Variants in LIPC observed in about 807,000 individuals in gnomAD.
LIPC encodes hepatic triacylglycerol lipase.
In LIPC, 44 loss-of-function variants were observed where a neutral mutation model predicts 50.7. That is an observed-to-expected ratio of 0.87 (90% CI 0.68 to 1.11). The LOEUF (loss-of-function observed/expected upper bound fraction) is 1.11. Ranked by LOEUF, LIPC falls within the 50% of genes most tolerant of loss-of-function variation. The pLI, the probability that LIPC is intolerant of heterozygous loss-of-function variation, is 0.00. For missense variants in LIPC, 697 were observed against 648.2 expected (o/e 1.08, Z -0.82); for synonymous variants, 271 against 256.4 (o/e 1.06, Z -0.54).
chr15:58,567,346 T>TAC (rs1595963617), intron 8 of LIPC, among the ~76,000 whole-genome samples: 1 of 11,254 alleles, frequency 8.9e-5, no homozygotes, highest in East Asian at 1.5e-3. Context: ...TATGTATATG[T>TAC]ATATATATAT....
chr15:58,497,362 G>C (rs1891809962), intron 1 of LIPC, among the ~76,000 whole-genome samples: 1 of 152,162 alleles, frequency 6.6e-6, no homozygotes, highest in African/African-American at 2.4e-5. Flanking sequence ...GGAAGTGGGG[G>C]AAGTCAGGCT....
intron 1 of LIPC, among the ~76,000 whole-genome samples, chr15:58,484,918 G>C (rs976850587): frequency 6.6e-6 from 1 of 152,180 alleles, no homozygotes; most frequent in Non-Finnish European, 1.5e-5. Flanking sequence ...GTTCTGGGTG[G>C]GGAAGGAGTG....
intron 1 of LIPC, among the ~76,000 whole-genome samples, chr15:58,481,251 G>A (rs1390846781): frequency 1.3e-5 from 2 of 152,190 alleles, no homozygotes; most frequent in African/African-American, 4.8e-5. Context: ...AGGGGACAGA[G>A]TGACAATGAC....
At chr15:58,466,271 G>A (rs1230926204) in intron 1 of LIPC, among the ~76,000 whole-genome samples, 1 of 152,208 alleles carries the variant, frequency 6.6e-6, no homozygotes, top group Non-Finnish European at 1.5e-5. Flanking sequence ...ACTCCTAGCG[G>A]GTGACTCATA....
intron 6 of LIPC, among the ~76,000 whole-genome samples, chr15:58,557,226 C>T (rs1893983293): frequency 6.6e-6 from 1 of 152,164 alleles, no homozygotes; most frequent in Admixed American, 6.5e-5. Flanking sequence ...AGTCACTTAA[C>T]TTCTCTGTCC....
At position 58,484,670 on chromosome 15, in the gene LIPC, G is replaced by A. The variant is rs553035067; in HGVS notation, c.88+52550G>A. 2.0e-5 allele frequency among the ~76,000 whole-genome samples: 3 copies of A among 152,366 alleles called. No homozygotes were observed. In the East Asian group the frequency reaches 5.8e-4, roughly 29 times the overall value. ...GCTCCAGGTGGGGCTCATGGGGCAT[G>A]GGCCCTGGAGCCCACACACTCTGAC... On this transcript the variant is annotated intron_variant, in intron 1 of 8. Transcript: ENST00000299022.
rs1595838900 is a variant in LIPC, at chr15:58,432,222, C to T, written c.88+102C>T. On this transcript the variant is annotated intron_variant, in intron 1 of 8. Transcript: ENST00000299022. The stretch of plus-strand genomic sequence containing the variant: ...TTCTGACTGTATGGGACAGAGCTTG[C>T]TTCAGAGCGTGCCAGGTGGTTCTAT... 1.3e-5 allele frequency: 12 copies of T among 900,076 alleles called. No individual in the cohort carries two copies. In the East Asian group the frequency reaches 2.9e-4, roughly 22 times the overall value. 55.8% of individuals were successfully genotyped at this position (900,076 alleles called of 1,614,324 possible).
chr15:58,456,323 A>T (rs1894112738), intron 1 of LIPC: 1 of 152,278 alleles, frequency 6.6e-6, no homozygotes, highest in South Asian at 2.1e-4. Context: ...AAGAAAATGC[A>T]CTTAAATAAA....
chr15:58,437,017 A>T, intron 1 of LIPC: 1 of 374,506 alleles, frequency 2.7e-6, no homozygotes, highest in Non-Finnish European at 5.3e-6. Context: ...CAAACCACTG[A>T]AGTTGGGGAC....
At chr15:58,526,022 C>T (rs139708305) in intron 1 of LIPC, among the ~76,000 whole-genome samples, 3 of 152,310 alleles carry the variant, frequency 2.0e-5, no homozygotes, top group Non-Finnish European at 4.4e-5. Flanking sequence ...AATTGTGGCT[C>T]ATTAGCGGCA....
chr15:58,520,112 G>GTTTTTTTTTTTTTTTTTTTTTTTTT (rs10631480), intron 1 of LIPC, among the ~76,000 whole-genome samples: 1 of 123,538 alleles, frequency 8.1e-6, no homozygotes. Flanking sequence ...GTTTTGGGCT[G>GTTTTTTTTTTTTTTTTTTTTTTTTT]TTTTTTTTTT....
In LIPC at chr15:58,562,799, C is replaced by A. The variant is rs548288623; in HGVS notation, c.1170-706C>A. Among the ~76,000 whole-genome samples, 57 of 133,822 alleles carry A rather than the reference C, an allele frequency of 4.3e-4. No homozygotes were observed. The South Asian group carries it at 4.9e-3, about 12-fold the overall frequency. 87.8% of individuals were successfully genotyped at this position (133,822 alleles called of 152,430 possible). On this transcript the variant is annotated intron_variant, in intron 7 of 8. Coordinates refer to ENST00000299022, the MANE Select transcript of LIPC (RefSeq NM_000236.3). ...TCGGGAAGAGCTATGCCAAGCCACA[C>A]AAGGGACCCCCCCCCAACCCCACCA... is the stretch of plus-strand genomic sequence containing the variant.
chr15:58,536,492 G>A (rs1298665195), intron 1 of LIPC, among the ~76,000 whole-genome samples: 1 of 152,204 alleles, frequency 6.6e-6, no homozygotes, highest in African/African-American at 2.4e-5. Flanking sequence ...GCAAGACACA[G>A]TGTGCACGGG....
intron 1 of LIPC, among the ~76,000 whole-genome samples, chr15:58,444,041 T>C (rs868249689): frequency 1.4e-4 from 21 of 152,234 alleles, no homozygotes; most frequent in African/African-American, 4.8e-4. Context: ...CTTCAGGCCA[T>C]CTGGGTGTAT....
chr15:58,565,490 C>G, intron 8 of LIPC: 1 of 1,388,022 alleles, frequency 7.2e-7, no homozygotes, highest in Non-Finnish European at 9.3e-7. Flanking sequence ...ACGGGGTGAG[C>G]ATTGAAGCAG....
At chr15:58,555,589 T>A (rs1321775416) in intron 6 of LIPC, among the ~76,000 whole-genome samples, 2 of 152,186 alleles carry the variant, frequency 1.3e-5, no homozygotes, top group African/African-American at 4.8e-5. Flanking sequence ...TTATTTATAT[T>A]CACCAGGATA....
chr15:58,545,480 C>T (rs1893488557), intron 4 of LIPC, among the ~76,000 whole-genome samples: 1 of 152,186 alleles, frequency 6.6e-6, no homozygotes, highest in Admixed American at 6.5e-5. Flanking sequence ...GGCATCATAA[C>T]CTTGTGTCTA....
At chr15:58,465,763 G>A (rs2140723621) in intron 1 of LIPC, among the ~76,000 whole-genome samples, 1 of 152,256 alleles carries the variant, frequency 6.6e-6, no homozygotes, top group East Asian at 1.9e-4. Flanking sequence ...GTCCAAGAGG[G>A]CAGTCATCAC....
rs148802144 is a variant in LIPC at position 58,476,742 on chromosome 15, G to A, written c.88+44622G>A. 6.6e-5 allele frequency among the ~76,000 whole-genome samples: 10 copies of A among 152,334 alleles called. 1 individual carries two copies. Among genetic ancestry groups the A allele is most frequent in the African/African-American group, 2.2e-4 (9 of 41,576 alleles). On this transcript the variant is annotated intron_variant, in intron 1 of 8. Coordinates refer to ENST00000299022, the MANE Select transcript of LIPC (RefSeq NM_000236.3). ...ACATCTTGGGCAAGCCATTTGGCCC[G>A]AGTCTTTTTCCCCACCTATGAAACA... is the stretch of plus-strand genomic sequence containing the variant.
Sources: gnomAD v4.1 joint callset for allele counts (sites outside exome capture counted in the v4.1 genomes callset) on GRCh38, gnomAD v4.1.1 for gene constraint, MANE v1.5 for transcripts, NCBI Gene and HGNC (gene_info 2026-07-23, HGNC 2026-07-21) for gene names.